ASCC1: variants seen among roughly 807,000 people sequenced by gnomAD.
ASCC1 encodes the protein ASC-1 complex subunit P50.
A neutral mutation model predicts 46.6 loss-of-function variants in ASCC1; 35 were observed. The observed-to-expected ratio is 0.75, with a 90% CI of 0.57 to 0.99. The LOEUF (loss-of-function observed/expected upper bound fraction) is 0.99. ASCC1 is among the 50% of genes least tolerant of loss of function. The pLI, the probability that ASCC1 is intolerant of heterozygous loss-of-function variation, is 0.00. For synonymous variants in ASCC1, 143 were observed against 146.6 expected (o/e 0.98, Z 0.18); for missense variants, 376 against 428.7 (o/e 0.88, Z 1.09).
At chr10:72,123,645 T>G (rs1025162396) in intron 9 of ASCC1, among the ~76,000 whole-genome samples, 6 of 152,082 alleles carry the variant, frequency 3.9e-5, no homozygotes, top group African/African-American at 1.4e-4. Flanking sequence ...GTTCTAAATC[T>G]CACCCCCCTT....
chr10:72,161,772 C>G (rs1289041467), intron 5 of ASCC1, 98 bp from the exon 6 acceptor site: 3 of 1,439,302 alleles, frequency 2.1e-6, no homozygotes, highest in Admixed American at 3.4e-5. Flanking sequence ...ACACCTACAG[C>G]CAAGTGATTT....
intron 5 of ASCC1, among the ~76,000 whole-genome samples, chr10:72,171,509 C>T (rs944002830): frequency 6.6e-6 from 1 of 152,196 alleles, no homozygotes; most frequent in Non-Finnish European, 1.5e-5. Context: ...TCACTGCAAC[C>T]TCCGCCTCCT....
intron 4 of ASCC1, among the ~76,000 whole-genome samples, chr10:72,200,405 C>T (rs1346022264): frequency 6.6e-6 from 1 of 151,932 alleles, no homozygotes; most frequent in African/African-American, 2.4e-5. Context: ...AATACCAGCA[C>T]TTTGGGAGGC....
chr10:72,171,163 T>G lies in ASCC1; in HGVS notation c.490-9489A>C, dbSNP rs547033850. On this transcript the variant is annotated intron_variant, in intron 5 of 9. Transcript: ENST00000672957. Reference sequence around the variant, plus strand: ...TTTCTGTGAGTTTAAAACTACTTCCTGTATAAATTCTCTATTGGTGCTATA... The same window carrying G: ...TTTCTGTGAGTTTAAAACTACTTCCGGTATAAATTCTCTATTGGTGCTATA... 2.6e-5 allele frequency among the ~76,000 whole-genome samples: 4 copies of G among 152,370 alleles called. No homozygotes were observed. The East Asian group carries it at 7.7e-4, about 29-fold the overall frequency.
At chr10:72,131,882 T>C (rs1845652118) in intron 8 of ASCC1, among the ~76,000 whole-genome samples, 1 of 150,192 alleles carries the variant, frequency 6.7e-6, no homozygotes, top group African/African-American at 2.5e-5. Flanking sequence ...GATTTTTTTT[T>C]TTTTTTTTTT....
At chr10:72,142,772 C>A (rs1387089870) in intron 7 of ASCC1, among the ~76,000 whole-genome samples, 1 of 152,110 alleles carries the variant, frequency 6.6e-6, no homozygotes, top group Non-Finnish European at 1.5e-5. Flanking sequence ...AATACCTCCC[C>A]CTCCTGTTCC....
intron 7 of ASCC1, among the ~76,000 whole-genome samples, chr10:72,150,550 T>C (rs1848206444): frequency 1.3e-5 from 2 of 152,230 alleles, no homozygotes; most frequent in African/African-American, 4.8e-5. Flanking sequence ...ACATTGGAAA[T>C]GGCTCTGAAT....
chr10:72,190,299 T>A (rs1044157127), intron 5 of ASCC1: 35 of 833,402 alleles, frequency 4.2e-5, no homozygotes, highest in Non-Finnish European at 6.4e-5. Context: ...AATTTATATT[T>A]AGATCTATGA....
intron 9 of ASCC1, 71 bp downstream of exon 9, chr10:72,128,011 A>G (rs1845090703): frequency 8.7e-7 from 1 of 1,154,360 alleles, no homozygotes; most frequent in Admixed American, 1.7e-5. Flanking sequence ...ATATACGGAG[A>G]ACTACTTGTT....
chr10:72,116,419 T>A (rs1431482518), intron 9 of ASCC1, among the ~76,000 whole-genome samples: 1 of 152,206 alleles, frequency 6.6e-6, no homozygotes, highest in Non-Finnish European at 1.5e-5. Context: ...CAATATAAGC[T>A]CACTTAACAG....
intron 8 of ASCC1, among the ~76,000 whole-genome samples, chr10:72,130,354 T>C (rs1344358569): frequency 6.6e-6 from 1 of 152,142 alleles, no homozygotes; most frequent in African/African-American, 2.4e-5. Flanking sequence ...AAATTATATA[T>C]ATATATCAAG....
chr10:72,194,812 G>A (rs778681324), intron 5 of ASCC1, among the ~76,000 whole-genome samples: 3 of 150,794 alleles, frequency 2.0e-5, no homozygotes, highest in South Asian at 2.1e-4. Flanking sequence ...GTGCGATCTC[G>A]GCTCACCGCA....
chr10:72,210,158 C>CTTT (rs766972971), intron 3 of ASCC1, among the ~76,000 whole-genome samples: 3,764 of 131,712 alleles, frequency 0.029, 241 homozygotes, highest in African/African-American at 0.1. Context: ...AACCTCTTTT[C>CTTT]TTTTTTTTTT....
intron 7 of ASCC1, among the ~76,000 whole-genome samples, chr10:72,136,341 T>C (rs368483080): frequency 1.3e-5 from 2 of 152,144 alleles, no homozygotes; most frequent in South Asian, 2.1e-4. Context: ...CAGCACTCTA[T>C]GAAAACGCAC....
chr10:72,164,174 C>A (rs1850057603), intron 5 of ASCC1, among the ~76,000 whole-genome samples: 1 of 152,058 alleles, frequency 6.6e-6, no homozygotes, highest in African/African-American at 2.4e-5. Context: ...GTTGGACAGG[C>A]TGATCTCCAA....
intron 5 of ASCC1, among the ~76,000 whole-genome samples, chr10:72,172,368 T>C (rs542272641): frequency 1.4e-5 from 2 of 145,206 alleles, no homozygotes; most frequent in South Asian, 2.2e-4. Flanking sequence ...TGAGCCAAGA[T>C]TGCACCACTG....
intron 7 of ASCC1, among the ~76,000 whole-genome samples, chr10:72,135,241 C>T (rs146686005): frequency 1.3e-5 from 2 of 152,326 alleles, no homozygotes; most frequent in Non-Finnish European, 1.5e-5. Context: ...CAAGCCCCAC[C>T]CTTGTGCAGC....
intron 5 of ASCC1, 78 bp downstream of exon 5, chr10:72,196,733 T>C (rs1161520298): frequency 1.4e-6 from 2 of 1,408,410 alleles, no homozygotes; most frequent in Non-Finnish European, 2.0e-6. Flanking sequence ...AACTCCCTAC[T>C]GTTTGATTTA....
chr10:72,195,925 T>C (rs2133259700), intron 5 of ASCC1, among the ~76,000 whole-genome samples: 1 of 152,284 alleles, frequency 6.6e-6, no homozygotes, highest in East Asian at 1.9e-4. Context: ...AGTGGAATTA[T>C]GGATGATTTT....
Sources: allele counts gnomAD v4.1 joint callset (sites outside exome capture counted in the v4.1 genomes callset), GRCh38; gene constraint gnomAD v4.1.1; transcripts MANE v1.5; gene names NCBI Gene and HGNC (gene_info 2026-07-23, HGNC 2026-07-21).